The following DPH6 variants were observed in gnomAD, a reference collection of about 807,000 sequenced individuals.
DPH6 encodes diphthamine biosynthesis 6.
Under a neutral mutation model 38.2 loss-of-function variants are expected in DPH6, and 33 were observed. The ratio of observed to expected loss-of-function variants is 0.86; its 90% CI spans 0.65 to 1.15. DPH6 has a LOEUF of 1.15. DPH6 is among the 50% of genes most tolerant of loss of function. The pLI is 0.00. For synonymous variants in DPH6, 108 were observed against 103.0 expected (o/e 1.05, Z -0.30); for missense variants, 325 against 320.0 (o/e 1.02, Z -0.12).
At position 35,243,734 on chromosome 15, in the gene DPH6, G is replaced by C. The variant is rs182490365; in HGVS notation, n.201-23152C>G. ...GGCCCCACCCTTATCTCCCTTTGCT[G>C]ACTCTCTTTTCGGACTCAGCCCGCC... On this transcript the variant is annotated intron_variant and non_coding_transcript_variant, in intron 3 of 3. Transcript: ENST00000560386. Among the ~76,000 whole-genome samples the C allele has an allele frequency of 1.6e-3, 242 of 150,856 alleles. 1 individual carries two copies. Among genetic ancestry groups the C allele is most frequent in the East Asian group, 3.9e-3 (20 of 5,112 alleles).
intron 3 of DPH6, among the ~76,000 whole-genome samples, chr15:35,525,077 C>T (rs1001842388): frequency 1.3e-5 from 2 of 152,132 alleles, no homozygotes; most frequent in East Asian, 3.8e-4. Flanking sequence ...CATTCAGTTC[C>T]TACCCTCATG....
At chr15:35,439,725 T>TA (rs779768856) in intron 5 of DPH6, among the ~76,000 whole-genome samples, 72 of 151,524 alleles carry the variant, frequency 4.8e-4, no homozygotes, top group Non-Finnish European at 9.4e-4. Context: ...AAGAGAGGAG[T>TA]TCACCCAACT....
chr15:35,448,222 G>C lies in DPH6; in HGVS notation c.505+2463C>G, dbSNP rs551422863. 2.4e-4 allele frequency among the ~76,000 whole-genome samples: 37 copies of C among 151,984 alleles called. 1 individual carries two copies. The highest frequency in any genetic ancestry group is 7.2e-4 in the African/African-American group (30 of 41,474). On this transcript the variant is annotated intron_variant, in intron 5 of 8. Coordinates refer to ENST00000256538, the MANE Select transcript of DPH6 (RefSeq NM_080650.4). Reference sequence around the variant, plus strand: ...TTTGCCATGAGGTCTATAATTATATGTTTATAGAAAGATTATAGAAGTTCT... The same window carrying C: ...TTTGCCATGAGGTCTATAATTATATCTTTATAGAAAGATTATAGAAGTTCT...
chr15:35,333,780 A>T (rs1403494324), intron 3 of DPH6, among the ~76,000 whole-genome samples: 1 of 152,210 alleles, frequency 6.6e-6, no homozygotes, highest in Non-Finnish European at 1.5e-5. Flanking sequence ...CTGAGTATAT[A>T]TGTGAAGGAA....
At chr15:35,383,905 A>T (rs960646823) in intron 6 of DPH6, among the ~76,000 whole-genome samples, 6 of 152,242 alleles carry the variant, frequency 3.9e-5, no homozygotes, top group Non-Finnish European at 7.3e-5. Flanking sequence ...CTTCTAAGAC[A>T]CAGCACCTTA....
rs117524113 is a variant in DPH6 at position 35,431,972 on chromosome 15, T to C, written c.505+18713A>G. Among the ~76,000 whole-genome samples, 1,129 of 152,214 alleles carry C rather than the reference T, an allele frequency of 7.4e-3. 6 individuals are homozygous for C. The highest frequency in any genetic ancestry group is 0.019 in the South Asian group (91 of 4,822). ...CCAGCTAATTTCACTTGGCAAACTT[T>C]TGACAAATACCAATCAATACTTACT... On this transcript the variant is annotated intron_variant, in intron 5 of 8. Coordinates refer to ENST00000256538, the MANE Select transcript of DPH6 (RefSeq NM_080650.4).
chr15:35,147,824 G>A, the DPH6 span, among the ~76,000 whole-genome samples: 1 of 152,162 alleles, frequency 6.6e-6, no homozygotes, highest in African/African-American at 2.4e-5. Context: ...TAATATAGAA[G>A]AACTAGAGTG....
chr15:35,365,512 A>ACAACAG (rs2052650337), intron 3 of DPH6, among the ~76,000 whole-genome samples: 2 of 152,114 alleles, frequency 1.3e-5, no homozygotes, highest in Admixed American at 1.3e-4. Context: ...TAAAACAACA[A>ACAACAG]CAACAGCAAC....
intron 6 of DPH6, among the ~76,000 whole-genome samples, chr15:35,405,801 T>C (rs2053284408): frequency 1.3e-5 from 2 of 152,110 alleles, no homozygotes; most frequent in South Asian, 2.1e-4. Context: ...GCTTTCAGTT[T>C]TTCCCCATTC....
intron 3 of DPH6, among the ~76,000 whole-genome samples, chr15:35,255,635 A>G (rs935768623): frequency 6.6e-6 from 1 of 152,198 alleles, no homozygotes; most frequent in Non-Finnish European, 1.5e-5. Flanking sequence ...TTTGTGGATT[A>G]ATTCTGGAAT....
At chr15:35,458,287 C>T (rs1400797537) in intron 3 of DPH6, among the ~76,000 whole-genome samples, 1 of 151,714 alleles carries the variant, frequency 6.6e-6, no homozygotes, top group Non-Finnish European at 1.5e-5. Flanking sequence ...AAGCCCTTCA[C>T]TCATGGGTTT....
At chr15:35,370,230 A>C (rs2052698926), downstream of DPH6, among the ~76,000 whole-genome samples, 2 of 151,790 alleles carry the variant, frequency 1.3e-5, no homozygotes, top group Non-Finnish European at 3.0e-5. Flanking sequence ...CATAAAGCAC[A>C]AAGCTATCAA....
chr15:35,174,555 T>C, the DPH6 span, among the ~76,000 whole-genome samples: 1 of 152,232 alleles, frequency 6.6e-6, no homozygotes, highest in Non-Finnish European at 1.5e-5. Flanking sequence ...GGATTGAATA[T>C]ACAGTTTCTA....
intron 3 of DPH6, among the ~76,000 whole-genome samples, chr15:35,230,373 A>G (rs892062395): frequency 1.3e-5 from 2 of 152,132 alleles, no homozygotes; most frequent in African/African-American, 4.8e-5. Flanking sequence ...CTCTTCAGTT[A>G]GCTTGTGGTG....
chr15:35,235,667 T>G (rs979297656), intron 3 of DPH6, among the ~76,000 whole-genome samples: 2 of 152,224 alleles, frequency 1.3e-5, no homozygotes, highest in African/African-American at 4.8e-5. Context: ...TATACACTGT[T>G]TTAAAATTTC....
intron 6 of DPH6, 87 bp downstream of exon 6, chr15:35,410,748 A>C (rs1372535473): frequency 9.4e-7 from 1 of 1,064,434 alleles, no homozygotes; most frequent in Non-Finnish European, 1.3e-6. Context: ...TACTAAAATA[A>C]AGTAAATTTT....
At chr15:35,351,153 A>G (rs952257786) in intron 3 of DPH6, among the ~76,000 whole-genome samples, 1 of 152,088 alleles carries the variant, frequency 6.6e-6, no homozygotes, top group Admixed American at 6.6e-5. Flanking sequence ...TTAAATCCTT[A>G]TATGTTCTTC....
chr15:35,280,560 C>G (rs1267072755), intron 3 of DPH6, among the ~76,000 whole-genome samples: 1 of 152,096 alleles, frequency 6.6e-6, no homozygotes, highest in Non-Finnish European at 1.5e-5. Context: ...ACACATCAGC[C>G]TTAATGATAA....
chr15:35,406,700 G>C (rs1241540811), intron 6 of DPH6, among the ~76,000 whole-genome samples: 1 of 151,954 alleles, frequency 6.6e-6, no homozygotes, highest in Middle Eastern at 3.2e-3. Context: ...GCAGACAATG[G>C]GGCCAGCCCT....
Sources: gnomAD v4.1 joint callset for allele counts (sites outside exome capture counted in the v4.1 genomes callset) on GRCh38, gnomAD v4.1.1 for gene constraint, MANE v1.5 for transcripts, NCBI Gene and HGNC (gene_info 2026-07-23, HGNC 2026-07-21) for gene names.